PDE4D: variants seen among roughly 807,000 people sequenced by gnomAD.
PDE4D encodes the protein 3',5'-cyclic-AMP phosphodiesterase 4D.
PDE4D carries 24 observed loss-of-function variants against 87.4 expected under a neutral mutation model. The observed-to-expected ratio is 0.27, with a 90% CI of 0.20 to 0.39. The LOEUF is 0.39. PDE4D is among the 10% of genes least tolerant of loss of function. PDE4D has a pLI of 1.00. For synonymous variants in PDE4D, 384 were observed against 383.2 expected (o/e 1.00, Z -0.02); for missense variants, 714 against 1,041.0 (o/e 0.69, Z 4.32).
At chr5:59,064,530 T>C (rs1580604557) in intron 5 of PDE4D, among the ~76,000 whole-genome samples, 3 of 152,222 alleles carry the variant, frequency 2.0e-5, no homozygotes, top group Admixed American at 2.0e-4. Context: ...TTCCCAGTGA[T>C]TTATCATAAT....
At chr5:59,913,964 A>T (rs906605601) in intron 3 of PDE4D, among the ~76,000 whole-genome samples, 2 of 152,120 alleles carry the variant, frequency 1.3e-5, no homozygotes, top group African/African-American at 4.8e-5. Flanking sequence ...AAACCATCAA[A>T]TCATATCTCT....
chr5:59,053,643 T>G (rs932991272), intron 5 of PDE4D, among the ~76,000 whole-genome samples: 2 of 105,606 alleles, frequency 1.9e-5, no homozygotes, highest in African/African-American at 4.1e-5. Context: ...GTTTTGTTTT[T>G]TGTTTTTTTT....
intron 1 of PDE4D, among the ~76,000 whole-genome samples, chr5:59,635,122 A>G (rs1415155957): frequency 6.6e-6 from 1 of 152,232 alleles, no homozygotes; most frequent in African/African-American, 2.4e-5. Flanking sequence ...CTACACAAAT[A>G]AACTAGAAAA....
intron 3 of PDE4D, among the ~76,000 whole-genome samples, chr5:59,916,374 T>C (rs1327464563): frequency 6.6e-6 from 1 of 152,210 alleles, no homozygotes; most frequent in Non-Finnish European, 1.5e-5. Context: ...CCAGTAGCTT[T>C]ATTAATGTGA....
chr5:60,216,350 T>C (rs761806841), intron 1 of PDE4D, among the ~76,000 whole-genome samples: 2 of 152,158 alleles, frequency 1.3e-5, no homozygotes, highest in Non-Finnish European at 2.9e-5. Flanking sequence ...AATAGACATC[T>C]ATTATTTGTG....
chr5:59,514,255 G>T (rs538692376), intron 1 of PDE4D, among the ~76,000 whole-genome samples: 1 of 151,752 alleles, frequency 6.6e-6, no homozygotes, highest in African/African-American at 2.4e-5. Context: ...ACAGGCGCCC[G>T]CCACCACGCC....
intron 2 of PDE4D, among the ~76,000 whole-genome samples, chr5:60,143,592 C>G (rs1780728583): frequency 7.4e-6 from 1 of 135,966 alleles, no homozygotes; most frequent in South Asian, 2.2e-4. Flanking sequence ...GACCTAGGAG[C>G]AGCTTGGGAA....
At chr5:59,513,230 A>G (rs1810562006) in intron 1 of PDE4D, among the ~76,000 whole-genome samples, 1 of 152,170 alleles carries the variant, frequency 6.6e-6, no homozygotes, top group Non-Finnish European at 1.5e-5. Flanking sequence ...TCCACTAAAT[A>G]TATCATTTCA....
chr5:60,425,243 A>G (rs1261264847), intron 1 of PDE4D, among the ~76,000 whole-genome samples: 1 of 152,242 alleles, frequency 6.6e-6, no homozygotes, highest in Non-Finnish European at 1.5e-5. Context: ...CTAAGCCAAC[A>G]GAAGAAAGCT....
chr5:59,904,888 G>T (rs1368549221), intron 3 of PDE4D, among the ~76,000 whole-genome samples: 4 of 152,032 alleles, frequency 2.6e-5, no homozygotes, highest in African/African-American at 9.7e-5. Flanking sequence ...AAGTAACTTG[G>T]TAAGTAAAAG....
At chr5:59,792,746 A>C (rs1489196785) in intron 1 of PDE4D, among the ~76,000 whole-genome samples, 1 of 152,196 alleles carries the variant, frequency 6.6e-6, no homozygotes, top group Non-Finnish European at 1.5e-5. Context: ...GGCATCATGT[A>C]AACTAATTGA....
At chr5:60,336,663 C>G (rs1757776862) in intron 1 of PDE4D, among the ~76,000 whole-genome samples, 1 of 152,192 alleles carries the variant, frequency 6.6e-6, no homozygotes, top group Non-Finnish European at 1.5e-5. Context: ...TCCCTCCTCT[C>G]TTTTTAGGTT....
intron 1 of PDE4D, among the ~76,000 whole-genome samples, chr5:59,609,233 G>A (rs866629500): frequency 5.9e-5 from 9 of 151,974 alleles, no homozygotes; most frequent in Non-Finnish European, 2.9e-5. Flanking sequence ...GGTGCTATTC[G>A]TCACCATTCT....
chr5:60,407,444 CTTTTTT>C (rs70975385), intron 1 of PDE4D, among the ~76,000 whole-genome samples: 27 of 80,094 alleles, frequency 3.4e-4, no homozygotes, highest in African/African-American at 1.5e-3. Flanking sequence ...TTTCTTTTTC[CTTTTTT>C]TTTTTTTTTT....
At chr5:59,926,172 T>C (rs549637055) in intron 3 of PDE4D, among the ~76,000 whole-genome samples, 139 of 152,294 alleles carry the variant, frequency 9.1e-4, no homozygotes, top group African/African-American at 3.2e-3. Flanking sequence ...GTATCTTCTC[T>C]GACCACAATA....
In PDE4D at chr5:59,893,564, C is replaced by T; in HGVS notation, c.59G>A (p.Ser20Asn). The change falls in exon 1 of 15, where the codon AGC becomes AAC. Residue 20 changes from serine (S) to asparagine (N), a missense_variant. Around this residue, in one of 7 missense-constraint regions of PDE4D, gnomAD observed 268 missense variants for 272.9 expected, o/e 0.98. Coordinates refer to ENST00000340635, the MANE Select transcript of PDE4D (RefSeq NM_001104631.2). ...GGCTTTGAGCGTGGCCCCGCCGGCG[C>T]TGTCGCTGCCCTCTCCGCTGCCCGC... ...ARAGSGEGSD[S>N]AGGATLKAPK... The T allele has an allele frequency of 1.3e-6, 2 of 1,533,816 alleles. No homozygotes were observed. The highest frequency in any genetic ancestry group is 1.4e-5 in the African/African-American group (1 of 71,130).
chr5:60,280,583 A>G (rs1316790566), intron 1 of PDE4D, among the ~76,000 whole-genome samples: 4 of 152,170 alleles, frequency 2.6e-5, no homozygotes, highest in Non-Finnish European at 5.9e-5. Context: ...AAAGTTATAG[A>G]TATAATCTGA....
At chr5:59,665,214 C>A (rs1453445356) in intron 1 of PDE4D, among the ~76,000 whole-genome samples, 1 of 152,150 alleles carries the variant, frequency 6.6e-6, no homozygotes, top group Non-Finnish European at 1.5e-5. Flanking sequence ...TTTTGGCAAG[C>A]AAAGTTTAAA....
intron 1 of PDE4D, among the ~76,000 whole-genome samples, chr5:60,251,275 T>C (rs1036685521): frequency 6.6e-6 from 1 of 151,730 alleles, no homozygotes; most frequent in Admixed American, 6.6e-5. Flanking sequence ...ACTCATGTCA[T>C]GGGGGTTTGG....
Sources: allele counts gnomAD v4.1 joint callset (sites outside exome capture counted in the v4.1 genomes callset), GRCh38; gene constraint gnomAD v4.1.1; regional missense constraint gnomAD v4.1.1; transcripts MANE v1.5; gene names NCBI Gene and HGNC (gene_info 2026-07-23, HGNC 2026-07-21).